Variants in PXDNL observed in about 807,000 individuals in gnomAD.
PXDNL encodes the protein probable oxidoreductase PXDNL.
PXDNL carries 145 observed loss-of-function variants against 150.8 expected under a neutral mutation model. The observed-to-expected ratio is 0.96, with a 90% CI of 0.84 to 1.10. PXDNL has a LOEUF of 1.10. Among genes scored for constraint, PXDNL ranks in the 50% least tolerant of loss-of-function variants. The pLI is 0.00. For missense variants in PXDNL, 2,087 were observed against 1,873.9 expected, an observed-to-expected ratio of 1.11 and a Z score of -2.10; for synonymous variants, 757 against 725.7, an observed-to-expected ratio of 1.04 and a Z score of -0.69.
At chr8:51,791,021 G>C (rs942951583) in intron 1 of PXDNL, among the ~76,000 whole-genome samples, 1 of 151,888 alleles carries the variant, frequency 6.6e-6, no homozygotes, top group African/African-American at 2.4e-5. Flanking sequence ...GCTAACATTC[G>C]AATAGTTCCT....
At chr8:51,360,531 G>A (rs1255790329) in intron 19 of PXDNL, among the ~76,000 whole-genome samples, 2 of 152,162 alleles carry the variant, frequency 1.3e-5, no homozygotes, top group African/African-American at 4.8e-5. Flanking sequence ...ACACCCATAT[G>A]TGTACACACT....
At chr8:51,365,608 GCAGC>G (rs1315185746) in intron 19 of PXDNL, among the ~76,000 whole-genome samples, 1 of 152,162 alleles carries the variant, frequency 6.6e-6, no homozygotes. Context: ...ACGTTTGCAT[GCAGC>G]CATCTGTAGA....
At chr8:51,685,167 G>GT (rs1229286567) in intron 1 of PXDNL, among the ~76,000 whole-genome samples, 1 of 152,148 alleles carries the variant, frequency 6.6e-6, no homozygotes, top group Non-Finnish European at 1.5e-5. Flanking sequence ...CTGATTATAG[G>GT]TATCACCACA....
intron 4 of PXDNL, among the ~76,000 whole-genome samples, chr8:51,514,839 T>C (rs1055356159): frequency 3.9e-5 from 6 of 152,174 alleles, no homozygotes; most frequent in African/African-American, 2.4e-5. Context: ...AACCAAAGTA[T>C]TGAAGAAAAG....
chr8:51,577,937 A>C, intron 3 of PXDNL, among the ~76,000 whole-genome samples: 1 of 72,048 alleles, frequency 1.4e-5, no homozygotes, highest in African/African-American at 5.1e-5. Flanking sequence ...GAAAGAAAGA[A>C]AGAAAGAAAG....
intron 14 of PXDNL, among the ~76,000 whole-genome samples, chr8:51,421,270 C>A (rs1808943240): frequency 6.6e-6 from 1 of 152,040 alleles, no homozygotes; most frequent in Non-Finnish European, 1.5e-5. Flanking sequence ...GGCATTTTTC[C>A]ACAGGTCTCA....
intron 1 of PXDNL, among the ~76,000 whole-genome samples, chr8:51,747,308 T>C (rs1283455132): frequency 6.6e-6 from 1 of 152,204 alleles, no homozygotes; most frequent in Non-Finnish European, 1.5e-5. Flanking sequence ...TAATTGTCAA[T>C]GTTATTTCAT....
intron 1 of PXDNL, among the ~76,000 whole-genome samples, chr8:51,744,067 AAGGAAGGAAGGAAG>A (rs1563307120): frequency 0.016 from 1,177 of 73,012 alleles, 96 homozygotes; most frequent in African/African-American, 0.045. Context: ...GGAAGGAAGG[AAGGAAGGAAGGAAG>A]GAAGGAAGGA....
At chr8:51,710,075 T>C (rs961240918) in intron 1 of PXDNL, among the ~76,000 whole-genome samples, 1 of 152,192 alleles carries the variant, frequency 6.6e-6, no homozygotes, top group Non-Finnish European at 1.5e-5. Flanking sequence ...AAAAAAGAGA[T>C]AAAAATATTT....
chr8:51,376,411 C>G (rs1430874334), intron 17 of PXDNL, among the ~76,000 whole-genome samples: 1 of 152,126 alleles, frequency 6.6e-6, no homozygotes, highest in African/African-American at 2.4e-5. Flanking sequence ...TTCCAAGTGC[C>G]TGCTTGAATG....
chr8:51,657,249 A>G (rs79959249), intron 1 of PXDNL, among the ~76,000 whole-genome samples: 1 of 152,356 alleles, frequency 6.6e-6, no homozygotes, highest in South Asian at 2.1e-4. Flanking sequence ...GGTAAAGTCA[A>G]AAATCATAAG....
intron 3 of PXDNL, among the ~76,000 whole-genome samples, chr8:51,564,060 G>C (rs1443350300): frequency 2.6e-5 from 4 of 151,908 alleles, no homozygotes; most frequent in Non-Finnish European, 5.9e-5. Flanking sequence ...TTGAAATCTT[G>C]TTTTCTAAAA....
At chr8:51,515,446 C>A (rs1012104477) in intron 4 of PXDNL, among the ~76,000 whole-genome samples, 1 of 152,162 alleles carries the variant, frequency 6.6e-6, no homozygotes, top group Non-Finnish European at 1.5e-5. Flanking sequence ...CATCCATGTT[C>A]TCCAGGCACT....
chr8:51,476,566 A>T (rs1007360812), intron 6 of PXDNL, among the ~76,000 whole-genome samples: 1 of 150,590 alleles, frequency 6.6e-6, no homozygotes, highest in Non-Finnish European at 1.5e-5. Flanking sequence ...TTTTTCTGTC[A>T]CATTTTTCCT....
chr8:51,464,200 C>CA (rs770618146), intron 8 of PXDNL, among the ~76,000 whole-genome samples: 14 of 151,876 alleles, frequency 9.2e-5, no homozygotes, highest in Non-Finnish European at 1.6e-4. Context: ...CCTGTATCTA[C>CA]AAAAAATGAA....
At position 51,409,311 on chromosome 8, in the gene PXDNL, C is replaced by G; in HGVS notation, c.2313G>C (p.Val771=). ...IRAPRGLGLP[V]GSRQPLPPPR... is the part of the protein sequence containing the mutation. Reference sequence around the variant, plus strand: ...GCGGCGGGAGGGGCTGGCGGGAGCCCACAGGAAGGCCGAGCCCGCGGGGCG... The same window carrying G: ...GCGGCGGGAGGGGCTGGCGGGAGCCGACAGGAAGGCCGAGCCCGCGGGGCG... The change falls in exon 17 of 23, where the codon GTG becomes GTC. Residue 771 remains valine (V), a synonymous_variant. Transcript: ENST00000356297. 1 of 1,421,068 alleles carries G rather than the reference C, an allele frequency of 7.0e-7. No individual in the cohort carries two copies. The highest frequency in any genetic ancestry group is 9.1e-7 in the Non-Finnish European group (1 of 1,094,716). The allele number at this position is 1,421,068 out of a possible 1,614,324, so 88.0% of individuals were successfully genotyped here.
intron 1 of PXDNL, among the ~76,000 whole-genome samples, chr8:51,730,395 T>C (rs1458442222): frequency 1.3e-5 from 2 of 152,250 alleles, no homozygotes; most frequent in East Asian, 3.8e-4. Flanking sequence ...GAATATATCA[T>C]TGCTATATTT....
intron 14 of PXDNL, among the ~76,000 whole-genome samples, chr8:51,419,611 T>A (rs1027932355): frequency 6.6e-6 from 1 of 152,224 alleles, no homozygotes; most frequent in African/African-American, 2.4e-5. Context: ...ATAAATGTGT[T>A]TTGTGCCTTC....
chr8:51,663,146 C>T (rs748542522), intron 1 of PXDNL, among the ~76,000 whole-genome samples: 6 of 152,146 alleles, frequency 3.9e-5, no homozygotes, highest in South Asian at 2.1e-4. Flanking sequence ...ATCAGATTCC[C>T]CTCAAAGCAA....
Sources: gnomAD v4.1 joint callset for allele counts (sites outside exome capture counted in the v4.1 genomes callset) on GRCh38, gnomAD v4.1.1 for gene constraint, MANE v1.5 for transcripts, NCBI Gene and HGNC (gene_info 2026-07-23, HGNC 2026-07-21) for gene names.